Variants in HPSE2 observed in about 807,000 individuals in gnomAD.
The protein encoded by HPSE2 is heparanase 2 (inactive), also known as inactive heparanase-2.
In HPSE2, 38 loss-of-function variants were observed where a neutral mutation model predicts 60.5. The observed-to-expected ratio is 0.63, with a 90% CI of 0.48 to 0.82. HPSE2 has a LOEUF of 0.82. Among genes scored for constraint, HPSE2 ranks in the 40% least tolerant of loss-of-function variants. The pLI is 0.00. For synonymous variants in HPSE2, 295 were observed against 293.2 expected (o/e 1.01, Z -0.06); for missense variants, 713 against 740.4 (o/e 0.96, Z 0.43).
At chr10:98,812,898 C>A (rs1265895616) in intron 3 of HPSE2, among the ~76,000 whole-genome samples, 2 of 152,108 alleles carry the variant, frequency 1.3e-5, no homozygotes, top group Non-Finnish European at 2.9e-5. Context: ...GGATAGGAAA[C>A]CCTAAGAATA....
At chr10:98,648,730 G>A (rs1448303870) in intron 6 of HPSE2, among the ~76,000 whole-genome samples, 3 of 151,884 alleles carry the variant, frequency 2.0e-5, no homozygotes, top group African/African-American at 7.3e-5. Flanking sequence ...GTGACAGAAC[G>A]AGACTCTCTA....
chr10:98,987,455 G>A (rs1210251895), intron 3 of HPSE2, among the ~76,000 whole-genome samples: 3 of 152,118 alleles, frequency 2.0e-5, no homozygotes, highest in African/African-American at 7.2e-5. Flanking sequence ...AACCCTTCAT[G>A]CTAAAAACTC....
chr10:98,939,435 A>C (rs1372736117), intron 3 of HPSE2, among the ~76,000 whole-genome samples: 1 of 143,404 alleles, frequency 7.0e-6, no homozygotes, highest in Non-Finnish European at 1.5e-5. Context: ...TTGCAATCCT[A>C]GTCTCTCATA....
At chr10:99,296,454 C>A in the HPSE2 span, among the ~76,000 whole-genome samples, 2 of 152,234 alleles carry the variant, frequency 1.3e-5, no homozygotes, top group African/African-American at 4.8e-5. Flanking sequence ...TCTGCATCAA[C>A]CACCCCTTAA....
intron 9 of HPSE2, among the ~76,000 whole-genome samples, chr10:98,570,615 A>T (rs1275298037): frequency 2.6e-5 from 4 of 152,058 alleles, no homozygotes; most frequent in African/African-American, 9.7e-5. Flanking sequence ...AGTTGGATAC[A>T]TTGCTTTGTC....
the HPSE2 span, among the ~76,000 whole-genome samples, chr10:99,288,335 T>G: frequency 6.6e-6 from 1 of 152,164 alleles, no homozygotes; most frequent in Non-Finnish European, 1.5e-5. Flanking sequence ...CATGTGTGAT[T>G]TTATGTTGTA....
At chr10:98,601,237 T>C (rs1307770559) in intron 9 of HPSE2, among the ~76,000 whole-genome samples, 1 of 152,114 alleles carries the variant, frequency 6.6e-6, no homozygotes, top group Admixed American at 6.5e-5. Flanking sequence ...TCAAAGTCTA[T>C]TAATTTAAAT....
chr10:99,279,647 A>G, the HPSE2 span, among the ~76,000 whole-genome samples: 1 of 152,230 alleles, frequency 6.6e-6, no homozygotes, highest in Non-Finnish European at 1.5e-5. Context: ...CCTAGTGTAC[A>G]TAAGACAGAA....
At chr10:99,288,748 C>CAAAAAAAA in the HPSE2 span, among the ~76,000 whole-genome samples, 90 of 75,596 alleles carry the variant, frequency 1.2e-3, no homozygotes, top group East Asian at 2.3e-3. Flanking sequence ...CAGCCTCAAG[C>CAAAAAAAA]AAAAAAAAAA....
At chr10:99,191,574 C>T (rs1848224297) in intron 2 of HPSE2, among the ~76,000 whole-genome samples, 1 of 152,224 alleles carries the variant, frequency 6.6e-6, no homozygotes, top group African/African-American at 2.4e-5. Flanking sequence ...GGGGTGCCCC[C>T]TCATGCAGAT....
At chr10:99,211,013 A>G (rs1257521657) in intron 2 of HPSE2, among the ~76,000 whole-genome samples, 2 of 152,142 alleles carry the variant, frequency 1.3e-5, no homozygotes, top group Non-Finnish European at 2.9e-5. Flanking sequence ...TATCTAGAAA[A>G]CCCTAAGATT....
intron 3 of HPSE2, among the ~76,000 whole-genome samples, chr10:98,880,753 T>C (rs534041863): frequency 6.6e-6 from 1 of 152,208 alleles, no homozygotes; most frequent in Non-Finnish European, 1.5e-5. Flanking sequence ...AGGAGACTTA[T>C]TTTGCACTGC....
At chr10:98,985,480 T>C (rs1373672337) in intron 3 of HPSE2, among the ~76,000 whole-genome samples, 2 of 152,062 alleles carry the variant, frequency 1.3e-5, no homozygotes, top group Non-Finnish European at 2.9e-5. Flanking sequence ...CTAAAACAGC[T>C]CCTGAAGGAA....
intron 11 of HPSE2, among the ~76,000 whole-genome samples, chr10:98,464,358 C>T (rs1298390434): frequency 1.3e-5 from 2 of 152,134 alleles, no homozygotes; most frequent in Admixed American, 6.5e-5. Context: ...GCCAAGCCCC[C>T]GTGCCCTAGC....
At chr10:98,490,345 T>G (rs1941600828) in intron 9 of HPSE2, 149 bp from the exon 10 acceptor site, 1 of 995,892 alleles carries the variant, frequency 1.0e-6, no homozygotes, top group Admixed American at 2.0e-5. Context: ...AATGCAGCCC[T>G]AAGCCTACAA....
chr10:99,155,079 A>T (rs1356472323), intron 2 of HPSE2, among the ~76,000 whole-genome samples: 6 of 144,974 alleles, frequency 4.1e-5, no homozygotes, highest in Non-Finnish European at 9.2e-5. Context: ...TGCACCCAAT[A>T]CAGGAGCACC....
chr10:98,516,775 G>C (rs1240193703), intron 9 of HPSE2, among the ~76,000 whole-genome samples: 1 of 152,160 alleles, frequency 6.6e-6, no homozygotes, highest in Non-Finnish European at 1.5e-5. Context: ...CAGAACACCA[G>C]ATGTGAAGCT....
chr10:99,048,314 C>A, intron 3 of HPSE2: 3 of 406,170 alleles, frequency 7.4e-6, no homozygotes, highest in South Asian at 4.5e-5. Flanking sequence ...AAAGACCACC[C>A]ATTTTATTTT....
chr10:98,696,329 G>A (rs976720869), intron 5 of HPSE2, among the ~76,000 whole-genome samples: 3 of 141,652 alleles, frequency 2.1e-5, no homozygotes, highest in Admixed American at 7.1e-5. Context: ...CCATAATAGC[G>A]AGCCAATCCT....
Sources: allele counts gnomAD v4.1 joint callset (sites outside exome capture counted in the v4.1 genomes callset), GRCh38; gene constraint gnomAD v4.1.1; transcripts MANE v1.5; gene names NCBI Gene and HGNC (gene_info 2026-07-23, HGNC 2026-07-21).